The following AKAP6 variants were observed in gnomAD, a reference collection of about 807,000 sequenced individuals.
AKAP6 encodes the protein A-kinase anchor protein 6.
In AKAP6, 58 loss-of-function variants were observed where a neutral mutation model predicts 188.5. The ratio of observed to expected loss-of-function variants is 0.31; its 90% CI spans 0.25 to 0.38. The LOEUF is 0.38. Among genes scored for constraint, AKAP6 ranks in the 10% least tolerant of loss-of-function variants. AKAP6 has a pLI of 1.00. For missense variants in AKAP6, 2,710 were observed against 2,740.0 expected (o/e 0.99, Z 0.24); for synonymous variants, 989 against 998.6 (o/e 0.99, Z 0.18).
At chr14:32,673,540 G>A (rs1190038428) in intron 7 of AKAP6, among the ~76,000 whole-genome samples, 1 of 152,136 alleles carries the variant, frequency 6.6e-6, no homozygotes, top group Non-Finnish European at 1.5e-5. Flanking sequence ...TTCAAGACCA[G>A]CCTGGCCAAC....
rs770695198 is a variant in AKAP6, at chr14:32,822,575, G to T, written c.4762G>T (p.Asp1588Tyr). Residue 1588 changes from aspartate (D) to tyrosine (Y), a missense_variant, in exon 13 of 14, where the codon GAC becomes TAC. This residue lies in a region of AKAP6 where 2,473 missense variants were observed against 2,426.1 expected (regional missense o/e 1.02). Transcript: ENST00000280979. The stretch of plus-strand genomic sequence containing the variant: ...ATTGGGCATCTTTAAAAATGGCAGT[G>T]ACAGCCTCCAGCGAAGCACTTCTTT... ...FGLGIFKNGS[D>Y]SLQRSTSLES... is the part of the protein sequence containing the mutation. 6.2e-7 allele frequency: 1 copy of T among 1,614,006 alleles called. No individual in the cohort carries two copies. The highest frequency in any genetic ancestry group is 1.7e-5 in the Admixed American group (1 of 59,980).
chr14:32,429,306 A>G (rs984597988), intron 1 of AKAP6, among the ~76,000 whole-genome samples: 1 of 152,242 alleles, frequency 6.6e-6, no homozygotes, highest in Non-Finnish European at 1.5e-5. Flanking sequence ...CTCATGCTCA[A>G]TTTCCTGCTT....
At chr14:32,333,804 A>G (rs1253529238) in intron 1 of AKAP6, among the ~76,000 whole-genome samples, 1 of 152,192 alleles carries the variant, frequency 6.6e-6, no homozygotes, top group Non-Finnish European at 1.5e-5. Context: ...ACATATGGAA[A>G]TATGAAATGT....
At chr14:32,689,686 T>A (rs1028105913) in intron 8 of AKAP6, among the ~76,000 whole-genome samples, 1 of 152,166 alleles carries the variant, frequency 6.6e-6, no homozygotes, top group Non-Finnish European at 1.5e-5. Flanking sequence ...ATATTATGGT[T>A]GGAGATATAA....
intron 9 of AKAP6, among the ~76,000 whole-genome samples, chr14:32,714,119 T>C (rs1164920720): frequency 6.6e-6 from 1 of 151,988 alleles, no homozygotes; most frequent in Admixed American, 6.6e-5. Flanking sequence ...GAACTGCTGG[T>C]GGGTGGAGCA....
intron 1 of AKAP6, among the ~76,000 whole-genome samples, chr14:32,431,904 G>T (rs1473829802): frequency 6.6e-6 from 1 of 152,334 alleles, no homozygotes; most frequent in East Asian, 1.9e-4. Flanking sequence ...GAAAAAATAT[G>T]TCATAGGAGT....
rs149454417 is a variant in AKAP6, at chr14:32,613,243, A to G, written c.2730+12451A>G. On this transcript the variant is annotated intron_variant, in intron 7 of 13. Transcript: ENST00000280979. The stretch of plus-strand genomic sequence containing the variant: ...CTGTCTTTCACTTGATACCTCGTGT[A>G]TATACTCAAGCTATCATTAGATAGA... Among the ~76,000 whole-genome samples the G allele has an allele frequency of 2.4e-3, 373 of 152,330 alleles. 1 individual carries two copies. Among genetic ancestry groups the G allele is most frequent in the African/African-American group, 8.5e-3 (354 of 41,582 alleles).
chr14:32,633,614 T>C (rs978175104), intron 7 of AKAP6, among the ~76,000 whole-genome samples: 1 of 152,058 alleles, frequency 6.6e-6, no homozygotes, highest in Non-Finnish European at 1.5e-5. Flanking sequence ...CTTTTCCTTC[T>C]GACACAAGAA....
chr14:32,814,374 A>G (rs1050765146), intron 12 of AKAP6, among the ~76,000 whole-genome samples: 1 of 152,020 alleles, frequency 6.6e-6, no homozygotes, highest in African/African-American at 2.4e-5. Context: ...CCAAAAGGAA[A>G]CCCCAAGCCT....
intron 5 of AKAP6, 108 bp from the exon 6 acceptor site, chr14:32,599,302 G>T: frequency 1.2e-6 from 1 of 817,004 alleles, no homozygotes; most frequent in Non-Finnish European, 1.9e-6. Flanking sequence ...TTGTCTATTG[G>T]GTAAATTGGG....
chr14:32,350,067 A>C (rs1887211798), intron 1 of AKAP6, among the ~76,000 whole-genome samples: 1 of 152,216 alleles, frequency 6.6e-6, no homozygotes, highest in Non-Finnish European at 1.5e-5. Flanking sequence ...TCTTACAGAA[A>C]CTTCCAAATA....
intron 5 of AKAP6, among the ~76,000 whole-genome samples, chr14:32,583,809 G>A (rs1006245365): frequency 2.0e-5 from 3 of 152,158 alleles, no homozygotes; most frequent in African/African-American, 4.8e-5. Flanking sequence ...CCGGTGCGCC[G>A]TTTTTTAAGC....
rs138243272 is a variant in AKAP6 at position 32,821,861 on chromosome 14, G to A, written c.4048G>A (p.Ala1350Thr). ...TGGTTCCAATTTGGTAAAGCCCTGC[G>A]CATGTCATGGAGGAGACATGAGCCA... ...LGGSNLVKPCACHGGDMSQNS... is the reference protein window; with the variant it reads ...LGGSNLVKPCTCHGGDMSQNS... Residue 1350 changes from alanine (A) to threonine (T), a missense_variant, in exon 13 of 14, where the codon GCA becomes ACA. Ala to Thr is a moderately conservative substitution (Grantham distance 58). Coordinates refer to ENST00000280979, the MANE Select transcript of AKAP6 (RefSeq NM_004274.5). 3.4e-5 allele frequency: 55 copies of A among 1,613,738 alleles called. No individual in the cohort carries two copies. The East Asian group carries it at 5.8e-4, about 17-fold the overall frequency.
At chr14:32,609,526 G>A (rs530109944) in intron 7 of AKAP6, among the ~76,000 whole-genome samples, 1 of 152,222 alleles carries the variant, frequency 6.6e-6, no homozygotes, top group South Asian at 2.1e-4. Context: ...GCATTGGACT[G>A]GGGCAGTGGC....
chr14:32,363,941 T>A (rs552361939), intron 1 of AKAP6, among the ~76,000 whole-genome samples: 1 of 152,292 alleles, frequency 6.6e-6, no homozygotes, highest in South Asian at 2.1e-4. Flanking sequence ...GGAGTAACAT[T>A]TGCCTAGGCA....
chr14:32,556,759 G>A (rs908637717), intron 4 of AKAP6, among the ~76,000 whole-genome samples: 8 of 152,148 alleles, frequency 5.3e-5, no homozygotes, highest in Non-Finnish European at 8.8e-5. Flanking sequence ...TAAGTTTGAT[G>A]TAGTTTCATT....
At chr14:32,522,480 A>G (rs1881894177) in intron 2 of AKAP6, among the ~76,000 whole-genome samples, 1 of 144,392 alleles carries the variant, frequency 6.9e-6, no homozygotes, top group Non-Finnish European at 1.5e-5. Context: ...AAGAACTTAA[A>G]CAAACTTACA....
intron 10 of AKAP6, among the ~76,000 whole-genome samples, chr14:32,735,184 T>G (rs1221816537): frequency 6.6e-6 from 1 of 152,178 alleles, no homozygotes; most frequent in African/African-American, 2.4e-5. Flanking sequence ...AAAAATGGAA[T>G]TTAATTCTCC....
At chr14:32,658,994 A>G (rs1440012774) in intron 7 of AKAP6, among the ~76,000 whole-genome samples, 4 of 152,116 alleles carry the variant, frequency 2.6e-5, no homozygotes, top group Non-Finnish European at 5.9e-5. Flanking sequence ...TTTGCTAACT[A>G]GAAGCACCTT....
Sources: gnomAD v4.1 joint callset for allele counts (sites outside exome capture counted in the v4.1 genomes callset) on GRCh38, gnomAD v4.1.1 for gene constraint, gnomAD v4.1.1 regional missense constraint, MANE v1.5 for transcripts, NCBI Gene and HGNC (gene_info 2026-07-23, HGNC 2026-07-21) for gene names.